CACNG2: variants seen among roughly 807,000 people sequenced by gnomAD.
The protein encoded by CACNG2 is calcium voltage-gated channel auxiliary subunit gamma 2.
Under a neutral mutation model 25.9 loss-of-function variants are expected in CACNG2, and 3 were observed. The observed-to-expected ratio is 0.12, with a 90% CI of 0.05 to 0.30. The LOEUF is 0.30. Ranked by LOEUF, CACNG2 falls within the 10% of genes least tolerant of loss-of-function variation. CACNG2 has a pLI of 1.00. For synonymous variants in CACNG2, 167 were observed against 173.3 expected, an observed-to-expected ratio of 0.96 and a Z score of 0.29; for missense variants, 341 against 432.5, an observed-to-expected ratio of 0.79 and a Z score of 1.88.
At position 36,625,439 on chromosome 22, in the gene CACNG2, G is replaced by A. The variant is rs576810293; in HGVS notation, c.212-37891C>T. On this transcript the variant is annotated intron_variant, in intron 1 of 3. Coordinates refer to ENST00000300105, the MANE Select transcript of CACNG2 (RefSeq NM_006078.5). ...TTGGAGGGCAGGGTCCTTCAGGGCA[G>A]GGCACTGCTACCCCTTCTTTGCTTT... 2.4e-3 allele frequency among the ~76,000 whole-genome samples: 372 copies of A among 152,300 alleles called. 2 individuals carry two copies. Among genetic ancestry groups the A allele is most frequent in the African/African-American group, 8.4e-3 (348 of 41,560 alleles).
chr22:36,683,382 A>C (rs1937152468), intron 1 of CACNG2, among the ~76,000 whole-genome samples: 1 of 152,194 alleles, frequency 6.6e-6, no homozygotes, highest in Non-Finnish European at 1.5e-5. Flanking sequence ...TGGATCTAAG[A>C]GATTGAGTCA....
rs570847775 is a variant in CACNG2 at position 36,681,416 on chromosome 22, A to T, written c.211+20950T>A. Among the ~76,000 whole-genome samples, 29 of 152,358 alleles carry T rather than the reference A, an allele frequency of 1.9e-4. No individual in the cohort carries two copies. The South Asian group carries it at 2.7e-3, about 14-fold the overall frequency. ...GAAAGTTTTTAAAAAGGAAGAAGACAGGGAATTTGAATCTTTGTCAGCACC... is the reference window on the plus strand; with the variant it reads ...GAAAGTTTTTAAAAAGGAAGAAGACTGGGAATTTGAATCTTTGTCAGCACC... On this transcript the variant is annotated intron_variant, in intron 1 of 3. Transcript: ENST00000300105.
chr22:36,648,418 G>A (rs547604867), intron 1 of CACNG2, among the ~76,000 whole-genome samples: 3 of 152,256 alleles, frequency 2.0e-5, no homozygotes, highest in South Asian at 2.1e-4. Context: ...TGGGTAACAC[G>A]AAATAAACGA....
intron 1 of CACNG2, among the ~76,000 whole-genome samples, chr22:36,642,741 G>T (rs1366339891): frequency 6.6e-6 from 1 of 152,240 alleles, no homozygotes; most frequent in East Asian, 1.9e-4. Flanking sequence ...AACTTCTCCT[G>T]CAGCTCGTTT....
intron 1 of CACNG2, among the ~76,000 whole-genome samples, chr22:36,650,419 G>A (rs1936592425): frequency 6.6e-6 from 1 of 152,030 alleles, no homozygotes; most frequent in South Asian, 2.1e-4. Context: ...TGCTCAGGCT[G>A]GAGTGCAGTG....
chr22:36,652,997 A>G (rs1197835599), intron 1 of CACNG2, among the ~76,000 whole-genome samples: 1 of 152,088 alleles, frequency 6.6e-6, no homozygotes, highest in African/African-American at 2.4e-5. Context: ...TTGTTTGGCA[A>G]GCAGAATTGG....
intron 1 of CACNG2, among the ~76,000 whole-genome samples, chr22:36,604,633 C>T (rs932693120): frequency 6.6e-6 from 1 of 152,194 alleles, no homozygotes; most frequent in Admixed American, 6.5e-5. Flanking sequence ...AGGCAAGACC[C>T]TCCATCAGCA....
chr22:36,671,572 C>T (rs951979643), intron 1 of CACNG2, among the ~76,000 whole-genome samples: 4 of 152,156 alleles, frequency 2.6e-5, no homozygotes, highest in Admixed American at 6.5e-5. Flanking sequence ...CAAATCTGGG[C>T]GTTAGGATCT....
intron 1 of CACNG2, among the ~76,000 whole-genome samples, chr22:36,677,348 C>A (rs1284220630): frequency 1.3e-5 from 2 of 152,128 alleles, no homozygotes; most frequent in African/African-American, 4.8e-5. Flanking sequence ...GAATAGGAAG[C>A]ATTGGTGTGT....
At chr22:36,686,129 G>T (rs957671275) in intron 1 of CACNG2, among the ~76,000 whole-genome samples, 13 of 152,308 alleles carry the variant, frequency 8.5e-5, no homozygotes, top group Admixed American at 2.6e-4. Context: ...GAGGGTGGAG[G>T]CTCTTTGGCT....
rs745378185 is a variant in CACNG2 at position 36,596,784 on chromosome 22, G to T, written c.212-9236C>A. Among the ~76,000 whole-genome samples the T allele has an allele frequency of 4.6e-5, 7 of 152,230 alleles. No homozygotes were observed. The East Asian group carries it at 1.2e-3, about 25-fold the overall frequency. ...CTTCAGTTCTTTTTTTTGAGACAGG[G>T]TCTCTCTCTGTTGCCCAGGCTGGAG... On this transcript the variant is annotated intron_variant, in intron 1 of 3. Transcript: ENST00000300105.
intron 1 of CACNG2, among the ~76,000 whole-genome samples, chr22:36,624,044 C>T (rs1352846205): frequency 6.6e-6 from 1 of 152,166 alleles, no homozygotes; most frequent in East Asian, 1.9e-4. Flanking sequence ...CACCTCATCT[C>T]ATTAATATGC....
chr22:36,699,791 C>T (rs947731524), intron 1 of CACNG2, among the ~76,000 whole-genome samples: 2 of 152,192 alleles, frequency 1.3e-5, no homozygotes, highest in Admixed American at 6.5e-5. Context: ...ACACTGACAG[C>T]CCCCAAGGAC....
intron 2 of CACNG2, among the ~76,000 whole-genome samples, chr22:36,572,849 T>C (rs1333775498): frequency 6.6e-6 from 1 of 152,192 alleles, no homozygotes; most frequent in Non-Finnish European, 1.5e-5. Flanking sequence ...GATGCTTTGC[T>C]CTAGGCTAGC....
chr22:36,579,437 G>A (rs1011533016), intron 2 of CACNG2, among the ~76,000 whole-genome samples: 4 of 138,856 alleles, frequency 2.9e-5, no homozygotes, highest in Admixed American at 1.5e-4. Flanking sequence ...AAAAGCTGCC[G>A]GCTGTCTTGT....
chr22:36,630,893 C>T (rs962673197), intron 1 of CACNG2, among the ~76,000 whole-genome samples: 11 of 152,072 alleles, frequency 7.2e-5, no homozygotes, highest in African/African-American at 1.7e-4. Flanking sequence ...TGCAGTGGTA[C>T]GATCTTGGCT....
At chr22:36,644,662 C>T (rs1228067282) in intron 1 of CACNG2, among the ~76,000 whole-genome samples, 1 of 152,082 alleles carries the variant, frequency 6.6e-6, no homozygotes, top group Non-Finnish European at 1.5e-5. Context: ...ACTTTCTATG[C>T]CTCAGTTTTC....
intron 1 of CACNG2, among the ~76,000 whole-genome samples, chr22:36,667,780 C>T (rs1936894505): frequency 6.6e-6 from 1 of 152,180 alleles, no homozygotes; most frequent in Admixed American, 6.5e-5. Context: ...GAAATTAGGT[C>T]ACTGGGTGTC....
intron 1 of CACNG2, among the ~76,000 whole-genome samples, chr22:36,662,365 A>G (rs980898421): frequency 2.0e-5 from 3 of 152,148 alleles, no homozygotes; most frequent in Non-Finnish European, 4.4e-5. Flanking sequence ...TGAGGTGCAG[A>G]GCGATCAGTG....
Sources: allele counts gnomAD v4.1 joint callset (sites outside exome capture counted in the v4.1 genomes callset), GRCh38; gene constraint gnomAD v4.1.1; transcripts MANE v1.5; gene names NCBI Gene and HGNC (gene_info 2026-07-23, HGNC 2026-07-21).